Variants in SORCS2 observed in about 807,000 individuals in gnomAD.
The protein encoded by SORCS2 is sortilin related VPS10 domain containing receptor 2.
Under a neutral mutation model 141.6 loss-of-function variants are expected in SORCS2, and 100 were observed. That is an observed-to-expected ratio of 0.71 (90% CI 0.60 to 0.83). The LOEUF (loss-of-function observed/expected upper bound fraction) is 0.83, where lower values mean the gene tolerates loss of function less well. Among genes scored for constraint, SORCS2 ranks in the 40% least tolerant of loss-of-function variants. The pLI is 0.00. For synonymous variants in SORCS2, 789 were observed against 676.9 expected (o/e 1.17, Z -2.57); for missense variants, 1,646 against 1,560.2 (o/e 1.05, Z -0.93).
chr4:7,675,946 G>A (rs369567014), intron 8 of SORCS2, 104 bp from the exon 9 acceptor site: 2 of 1,344,704 alleles, frequency 1.5e-6, no homozygotes, highest in Non-Finnish European at 2.0e-6. Flanking sequence ...CTCCAGGAGA[G>A]CCAGGGGTCT....
At chr4:7,640,460 G>A (rs1720651225) in intron 4 of SORCS2, among the ~76,000 whole-genome samples, 1 of 87,548 alleles carries the variant, frequency 1.1e-5, no homozygotes, top group Non-Finnish European at 2.5e-5. Context: ...GGGTGTGTAT[G>A]AGCGTGTGTG....
At chr4:7,609,961 G>A (rs1231308668) in intron 3 of SORCS2, among the ~76,000 whole-genome samples, 1 of 152,190 alleles carries the variant, frequency 6.6e-6, no homozygotes, top group East Asian at 1.9e-4. Context: ...TGGCAGTTGT[G>A]CTCGGGGCGG....
intron 3 of SORCS2, among the ~76,000 whole-genome samples, chr4:7,566,193 G>A (rs1714995238): frequency 6.6e-6 from 1 of 151,760 alleles, no homozygotes; most frequent in Admixed American, 6.6e-5. Context: ...TATTGATAAT[G>A]GTGATGGTGA....
At chr4:7,495,119 G>A (rs1560331428) in intron 2 of SORCS2, among the ~76,000 whole-genome samples, 2 of 152,220 alleles carry the variant, frequency 1.3e-5, no homozygotes, top group Non-Finnish European at 1.5e-5. Context: ...AGCGGTGCTG[G>A]TACTACAGTC....
intron 3 of SORCS2, among the ~76,000 whole-genome samples, chr4:7,631,249 C>T (rs1370954613): frequency 2.6e-5 from 4 of 151,464 alleles, no homozygotes; most frequent in Non-Finnish European, 5.9e-5. Context: ...CTGCAGGGCT[C>T]AGTCACAGGG....
At chr4:7,274,902 C>A (rs1002474132) in intron 1 of SORCS2, among the ~76,000 whole-genome samples, 7 of 152,146 alleles carry the variant, frequency 4.6e-5, no homozygotes, top group Non-Finnish European at 1.0e-4. Context: ...CTTCCTGGCT[C>A]TGACAGCTGC....
At chr4:7,194,492 A>G (rs967155764) in intron 1 of SORCS2, among the ~76,000 whole-genome samples, 11 of 152,194 alleles carry the variant, frequency 7.2e-5, no homozygotes, top group Non-Finnish European at 1.0e-4. Flanking sequence ...CCAACCAGCC[A>G]GCATCTATCA....
Position 7,270,296 on chromosome 4 carries a change from C to T in SORCS2, c.480+77170C>T, listed in dbSNP as rs762463360. On this transcript the variant is annotated intron_variant, in intron 1 of 26. Transcript: ENST00000507866. ...ACAGCACGCGTGTGGGTGCAGCACC[C>T]GCCAGTGTGCTGCGTTCCAGAAATA... Among the ~76,000 whole-genome samples the T allele has an allele frequency of 3.9e-4, 59 of 152,388 alleles. 1 individual carries two copies. The highest frequency in any genetic ancestry group is 5.9e-4 in the Non-Finnish European group (40 of 68,044).
rs80307813 is a variant in SORCS2 at position 7,663,934 on chromosome 4, T to A, written c.953-419T>A. Among the ~76,000 whole-genome samples the A allele has an allele frequency of 2.6e-5, 4 of 152,158 alleles. No individual in the cohort carries two copies. In the South Asian group the frequency reaches 8.3e-4, roughly 32 times the overall value. On this transcript the variant is annotated intron_variant, in intron 6 of 26. Coordinates refer to ENST00000507866, the MANE Select transcript of SORCS2 (RefSeq NM_020777.3). The surrounding 1 kb of genome is among the most constrained non-coding windows in gnomAD (Gnocchi z 4.8). Reference sequence around the variant, plus strand: ...TTCAGTATTGCTCAACCATAAATATTTGGAAAAGGGTAGAAGCAGTTGCTT... The same window carrying A: ...TTCAGTATTGCTCAACCATAAATATATGGAAAAGGGTAGAAGCAGTTGCTT...
intron 2 of SORCS2, among the ~76,000 whole-genome samples, chr4:7,453,300 G>T (rs1728611433): frequency 7.2e-6 from 1 of 138,446 alleles, no homozygotes; most frequent in Non-Finnish European, 1.6e-5. Context: ...GTGTGTTGGG[G>T]TCAGGTGCTG....
chr4:7,419,822 AG>A (rs1725922381), intron 2 of SORCS2, among the ~76,000 whole-genome samples: 2 of 152,196 alleles, frequency 1.3e-5, no homozygotes. Context: ...AAGCTATGTC[AG>A]GGTAGGCTTG....
intron 3 of SORCS2, among the ~76,000 whole-genome samples, chr4:7,626,165 T>A (rs891674385): frequency 6.6e-5 from 10 of 151,734 alleles, no homozygotes; most frequent in Non-Finnish European, 1.5e-4. Context: ...TAAATAAATA[T>A]AAATAAATAA....
intron 19 of SORCS2, 40 bp downstream of exon 19, chr4:7,723,923 T>G: frequency 1.3e-6 from 2 of 1,534,004 alleles, no homozygotes; most frequent in South Asian, 1.2e-5. Context: ...GTCACTCCCT[T>G]TGAGAGAGAG....
chr4:7,707,659 T>TGTGCCCCTGCCCCAGGGCAGTGCCCTGCC (rs1725554842), intron 14 of SORCS2, among the ~76,000 whole-genome samples: 1 of 152,198 alleles, frequency 6.6e-6, no homozygotes, highest in Non-Finnish European at 1.5e-5. Context: ...TGCCCCAGGC[T>TGTGCCCCTGCCCCAGGGCAGTGCCCTGCC]CCAGGAGGGA....
At position 7,733,452 on chromosome 4, in the gene SORCS2, G is replaced by T. The variant is rs376676442; in HGVS notation, c.3208+31G>T. ...CCACTGGGAGCTCCCCTGCGGAATG[G>T]GTGGAGGAGGCATCCGGGCCCTGGA... On this transcript the variant is annotated intron_variant, in intron 24 of 26. Transcript: ENST00000507866. 156 of 1,520,132 alleles carry T rather than the reference G, an allele frequency of 1.0e-4. 1 individual carries two copies. The African/African-American group carries it at 1.7e-3, about 16-fold the overall frequency. The allele number at this position is 1,520,132 out of a possible 1,614,324, so 94.2% of individuals were successfully genotyped here. A position where few individuals can be genotyped will look rare whatever the true frequency, so the allele number is the denominator to read the frequency against.
At chr4:7,607,178 C>T (rs1017225641) in intron 3 of SORCS2, among the ~76,000 whole-genome samples, 1 of 152,136 alleles carries the variant, frequency 6.6e-6, no homozygotes, top group Non-Finnish European at 1.5e-5. Context: ...CTGCAGGTTC[C>T]CACCTTCAAA....
chr4:7,304,667 A>T (rs1186529702), intron 1 of SORCS2, among the ~76,000 whole-genome samples: 1 of 152,150 alleles, frequency 6.6e-6, no homozygotes, highest in East Asian at 1.9e-4. Context: ...AGGGAGCAGA[A>T]GCCGTGGAGG....
chr4:7,673,292 G>C (rs902804043), intron 8 of SORCS2, among the ~76,000 whole-genome samples: 2 of 152,194 alleles, frequency 1.3e-5, no homozygotes, highest in East Asian at 3.8e-4. Flanking sequence ...GAAATGTTGC[G>C]ATGTGGCAAT....
intron 2 of SORCS2, among the ~76,000 whole-genome samples, chr4:7,507,647 GAC>G (rs1195477628): frequency 3.3e-5 from 5 of 152,172 alleles, no homozygotes; most frequent in Non-Finnish European, 7.3e-5. Context: ...TCAGCACCGT[GAC>G]ACACACACTG....
Sources: gnomAD v4.1 joint callset for allele counts (sites outside exome capture counted in the v4.1 genomes callset) on GRCh38, gnomAD v4.1.1 for gene constraint, Gnocchi (gnomAD v3.1) non-coding constraint, MANE v1.5 for transcripts, NCBI Gene and HGNC (gene_info 2026-07-23, HGNC 2026-07-21) for gene names.